The following TCF20 variants were observed in gnomAD, a reference collection of about 807,000 sequenced individuals.
TCF20 encodes the protein transcription factor 20.
A neutral mutation model predicts 148.6 loss-of-function variants in TCF20; 3 were observed. The observed-to-expected ratio is 0.02, with a 90% CI of 0.01 to 0.05. TCF20 has a LOEUF of 0.05. TCF20 is among the 10% of genes least tolerant of loss of function. The pLI is 1.00. For synonymous variants in TCF20, 1,049 were observed against 909.5 expected, an observed-to-expected ratio of 1.15 and a Z score of -2.76; for missense variants, 2,350 against 2,429.3, an observed-to-expected ratio of 0.97 and a Z score of 0.69.
Position 42,161,185 on chromosome 22 carries a change from T to C in TCF20, c.*218A>G. On this transcript the variant is annotated 3_prime_UTR_variant, in exon 6 of 6. Coordinates refer to ENST00000677622, the MANE Select transcript of TCF20 (RefSeq NM_001378418.1). The stretch of plus-strand genomic sequence containing the variant: ...GAAACAGCCATTCCAACGTCTTGGG[T>C]CTTTCTTTCCTGTGGTGTCACTGGT... 1 of 593,772 alleles carries C rather than the reference T, an allele frequency of 1.7e-6. No homozygotes were observed. Among genetic ancestry groups the C allele is most frequent in the Non-Finnish European group, 2.6e-6 (1 of 382,298 alleles). 36.8% of individuals were successfully genotyped at this position (593,772 alleles called of 1,614,324 possible). A position where few individuals can be genotyped will look rare whatever the true frequency, so the allele number is the denominator to read the frequency against.
At chr22:42,233,270 T>G (rs147039741) in intron 1 of TCF20, among the ~76,000 whole-genome samples, 2 of 152,292 alleles carry the variant, frequency 1.3e-5, no homozygotes, top group Non-Finnish European at 2.9e-5. Context: ...TATTATGCAG[T>G]AACTAGCCAT....
chr22:42,249,593 C>T (rs557555230), intron 1 of TCF20, among the ~76,000 whole-genome samples: 29 of 152,190 alleles, frequency 1.9e-4, no homozygotes, highest in Non-Finnish European at 3.7e-4. Context: ...GAAATTGCAA[C>T]GGCCAGGCAA....
At chr22:42,174,269 A>T (rs1936306646) in intron 3 of TCF20, among the ~76,000 whole-genome samples, 1 of 152,188 alleles carries the variant, frequency 6.6e-6, no homozygotes, top group Non-Finnish European at 1.5e-5. Flanking sequence ...CAATGATCAC[A>T]TCTGGTTTGT....
intron 2 of TCF20, among the ~76,000 whole-genome samples, chr22:42,194,930 C>A (rs1937516924): frequency 6.6e-6 from 1 of 151,740 alleles, no homozygotes; most frequent in South Asian, 2.1e-4. Flanking sequence ...TATCCATAGA[C>A]CATGCCTCCC....
At chr22:42,170,487 A>G (rs1936058375) in intron 3 of TCF20, among the ~76,000 whole-genome samples, 1 of 151,616 alleles carries the variant, frequency 6.6e-6, no homozygotes, top group Non-Finnish European at 1.5e-5. Flanking sequence ...AGCCTAGGCA[A>G]GCAAAACTGT....
intron 3 of TCF20, among the ~76,000 whole-genome samples, chr22:42,171,272 C>T (rs1936118811): frequency 6.6e-6 from 1 of 152,218 alleles, no homozygotes; most frequent in African/African-American, 2.4e-5. Context: ...AACACATTCT[C>T]AGAGAGCTCC....
intron 2 of TCF20, among the ~76,000 whole-genome samples, chr22:42,202,343 G>A (rs1180705320): frequency 6.6e-6 from 1 of 152,226 alleles, no homozygotes; most frequent in Admixed American, 6.5e-5. Context: ...ACTTTCCAAA[G>A]AGCAACACAT....
chr22:42,276,827 C>T (rs1926790460), intron 1 of TCF20: 1 of 152,160 alleles, frequency 6.6e-6, no homozygotes, highest in Admixed American at 6.5e-5. Context: ...ACGTTTGATT[C>T]CAGGGGAGCA....
At chr22:42,334,707 G>A (rs1446801198) in intron 1 of TCF20, among the ~76,000 whole-genome samples, 1 of 152,232 alleles carries the variant, frequency 6.6e-6, no homozygotes, top group Non-Finnish European at 1.5e-5. Context: ...AGCCTCACAA[G>A]GGTGGAATAG....
intron 3 of TCF20, among the ~76,000 whole-genome samples, chr22:42,176,848 G>A (rs578185310): frequency 6.6e-6 from 1 of 152,174 alleles, no homozygotes; most frequent in Non-Finnish European, 1.5e-5. Context: ...CCAGGAAGGG[G>A]AAAGGAAAGG....
chr22:42,342,310 G>C (rs529596123), intron 1 of TCF20, among the ~76,000 whole-genome samples: 1 of 152,328 alleles, frequency 6.6e-6, no homozygotes, highest in South Asian at 2.1e-4. Flanking sequence ...TGACTGGATG[G>C]ACAGGCAGGT....
intron 1 of TCF20, among the ~76,000 whole-genome samples, chr22:42,216,427 G>A (rs895736836): frequency 7.9e-5 from 12 of 152,228 alleles, no homozygotes; most frequent in African/African-American, 2.6e-4. Flanking sequence ...TGTGATGACT[G>A]GTGACTCCAG....
At chr22:42,217,576 C>G (rs1921938787) in intron 1 of TCF20, among the ~76,000 whole-genome samples, 1 of 152,232 alleles carries the variant, frequency 6.6e-6, no homozygotes, top group African/African-American at 2.4e-5. Context: ...ACACCGGAGT[C>G]TGTGTGAATG....
At chr22:42,164,465 G>A (rs907850054) in intron 5 of TCF20, among the ~76,000 whole-genome samples, 2 of 151,890 alleles carry the variant, frequency 1.3e-5, no homozygotes, top group African/African-American at 2.4e-5. Flanking sequence ...TCCTGACCTC[G>A]TGATCTGCCC....
chr22:42,277,235 T>TCTC (rs1193729088), intron 1 of TCF20, among the ~76,000 whole-genome samples: 4 of 152,176 alleles, frequency 2.6e-5, no homozygotes, highest in African/African-American at 7.2e-5. Context: ...CTCCACAAAC[T>TCTC]CTTAACACTT....
chr22:42,163,966 C>G (rs1935620320), intron 5 of TCF20, among the ~76,000 whole-genome samples: 1 of 152,134 alleles, frequency 6.6e-6, no homozygotes, highest in African/African-American at 2.4e-5. Flanking sequence ...GGACGCCATC[C>G]TCGCGTCCTT....
chr22:42,176,824 G>A lies in TCF20; in HGVS notation c.5749+2785C>T, dbSNP rs78742195. ...TACGGAAGTATTAAAAAGTAGAACA[G>A]AGGATACTAGAGGCCAGGAAGGGGA... On this transcript the variant is annotated intron_variant, in intron 3 of 5. Transcript: ENST00000677622. Among the ~76,000 whole-genome samples, 967 of 152,288 alleles carry A rather than the reference G, an allele frequency of 6.3e-3. 9 individuals carry two copies. The highest frequency in any genetic ancestry group is 0.022 in the African/African-American group (921 of 41,548).
At chr22:42,252,915 TTTAA>T (rs1925496445) in intron 1 of TCF20, among the ~76,000 whole-genome samples, 1 of 152,078 alleles carries the variant, frequency 6.6e-6, no homozygotes, top group Admixed American at 6.6e-5. Context: ...TTTTCAAATA[TTTAA>T]TTTAGTAGAG....
chr22:42,218,859 A>AC (rs1298070258), intron 1 of TCF20, among the ~76,000 whole-genome samples: 1 of 151,658 alleles, frequency 6.6e-6, no homozygotes, highest in Non-Finnish European at 1.5e-5. Flanking sequence ...CCTGTATGAT[A>AC]CCCCTTTCCC....
Sources: gnomAD v4.1 joint callset for allele counts (sites outside exome capture counted in the v4.1 genomes callset) on GRCh38, gnomAD v4.1.1 for gene constraint, MANE v1.5 for transcripts, NCBI Gene and HGNC (gene_info 2026-07-23, HGNC 2026-07-21) for gene names.